XYLB: variants seen among roughly 807,000 people sequenced by gnomAD.
The protein encoded by XYLB is xylulose kinase.
A neutral mutation model predicts 78.7 loss-of-function variants in XYLB; 62 were observed. The ratio of observed to expected loss-of-function variants is 0.79; its 90% confidence interval spans 0.64 to 0.97. XYLB has a LOEUF of 0.97. Among genes scored for constraint, XYLB ranks in the 50% least tolerant of loss-of-function variants. The pLI, the probability that XYLB is intolerant of heterozygous loss-of-function variation, is 0.00. For missense variants in XYLB, 687 were observed against 676.8 expected, an observed-to-expected ratio of 1.02 and a Z score of -0.17; for synonymous variants, 245 against 247.4, an observed-to-expected ratio of 0.99 and a Z score of 0.09.
chr3:38,430,597 G>T, the XYLB span, among the ~76,000 whole-genome samples: 2 of 152,288 alleles, frequency 1.3e-5, no homozygotes, highest in South Asian at 2.1e-4. Flanking sequence ...TGTTGCCATT[G>T]CTTTTGGTGT....
intron 16 of XYLB, 93 bp from the exon 17 acceptor site, chr3:38,396,979 T>A (rs1171322017): frequency 1.6e-6 from 2 of 1,259,026 alleles, no homozygotes; most frequent in Non-Finnish European, 2.3e-6. Flanking sequence ...TCAGAAGACA[T>A]ATGAGGGAGA....
intron 2 of XYLB, among the ~76,000 whole-genome samples, chr3:38,351,570 A>C (rs907445074): frequency 2.0e-5 from 3 of 152,192 alleles, no homozygotes; most frequent in Non-Finnish European, 4.4e-5. Flanking sequence ...TGGAGTATAC[A>C]GTTAAAAGCT....
the XYLB span, among the ~76,000 whole-genome samples, chr3:38,439,788 A>G: frequency 6.6e-6 from 1 of 151,616 alleles, no homozygotes; most frequent in East Asian, 1.9e-4. Context: ...TTTGAAAGGC[A>G]TTGTCTGATT....
intron 3 of XYLB, among the ~76,000 whole-genome samples, chr3:38,362,312 C>T (rs191474522): frequency 6.6e-6 from 1 of 152,312 alleles, no homozygotes; most frequent in Admixed American, 6.5e-5. Context: ...GATCATGGCT[C>T]ACTATAGCCT....
the XYLB span, among the ~76,000 whole-genome samples, chr3:38,440,307 C>T: frequency 2.0e-5 from 3 of 152,150 alleles, no homozygotes; most frequent in African/African-American, 4.8e-5. Context: ...TCGTTCAGTC[C>T]ATATTAACTT....
chr3:38,353,379 C>T (rs1288565569), intron 2 of XYLB, among the ~76,000 whole-genome samples: 1 of 152,080 alleles, frequency 6.6e-6, no homozygotes, highest in Non-Finnish European at 1.5e-5. Flanking sequence ...TGATTCAGCT[C>T]ACTGCTATCT....
At chr3:38,380,884 A>G (rs375658661) in intron 15 of XYLB, among the ~76,000 whole-genome samples, 1 of 152,236 alleles carries the variant, frequency 6.6e-6, no homozygotes, top group Non-Finnish European at 1.5e-5. Context: ...CCACAATGAA[A>G]TGGGTGAATC....
At chr3:38,447,974 G>A in the XYLB span, among the ~76,000 whole-genome samples, 5 of 152,086 alleles carry the variant, frequency 3.3e-5, no homozygotes, top group East Asian at 7.7e-4. Flanking sequence ...CCTAACACTT[G>A]GAGAAACTGA....
downstream of XYLB, among the ~76,000 whole-genome samples, chr3:38,426,033 T>C (rs1032485536): frequency 2.6e-5 from 4 of 152,344 alleles, no homozygotes; most frequent in South Asian, 2.1e-4. Context: ...TTACTGAAAT[T>C]CTTCAAAAGA....
intron 17 of XYLB, among the ~76,000 whole-genome samples, chr3:38,400,433 A>G (rs1361801006): frequency 6.6e-6 from 1 of 152,158 alleles, no homozygotes; most frequent in Non-Finnish European, 1.5e-5. Context: ...GGAGAAGGGA[A>G]CAGGCATGTG....
At chr3:38,374,804 G>T (rs1706763018) in intron 11 of XYLB, among the ~76,000 whole-genome samples, 2 of 152,188 alleles carry the variant, frequency 1.3e-5, no homozygotes, top group Non-Finnish European at 2.9e-5. Flanking sequence ...GGGCCAAAGG[G>T]CTGTGAGCAG....
At chr3:38,408,539 A>C (rs76415171) in intron 18 of XYLB, among the ~76,000 whole-genome samples, 72,844 of 149,446 alleles carry the variant, frequency 0.49, 19,031 homozygotes, top group Non-Finnish European at 0.6. Context: ...AAAATCAGAG[A>C]AGAACTGAAG....
At chr3:38,446,988 T>C in the XYLB span, among the ~76,000 whole-genome samples, 2 of 152,116 alleles carry the variant, frequency 1.3e-5, no homozygotes, top group Non-Finnish European at 2.9e-5. Flanking sequence ...AAACAACCTG[T>C]TGAATGGGAG....
At chr3:38,392,329 G>T (rs1349874360) in intron 15 of XYLB, among the ~76,000 whole-genome samples, 1 of 152,066 alleles carries the variant, frequency 6.6e-6, no homozygotes, top group East Asian at 1.9e-4. Context: ...ATGGAGTTTC[G>T]CTCTTTTTGC....
At chr3:38,348,371 T>C in intron 1 of XYLB, among the ~76,000 whole-genome samples, 179 bp from the exon 2 acceptor site, 1 of 152,194 alleles carries the variant, frequency 6.6e-6, no homozygotes, top group East Asian at 1.9e-4. Context: ...AATCTTTGAG[T>C]GTTACCCCAG....
At chr3:38,441,781 A>G in the XYLB span, among the ~76,000 whole-genome samples, 1 of 152,234 alleles carries the variant, frequency 6.6e-6, no homozygotes, top group Non-Finnish European at 1.5e-5. Context: ...CAGTGAGGCC[A>G]GCTTCTTGCT....
At chr3:38,423,940 A>T (rs1709051182), downstream of XYLB, among the ~76,000 whole-genome samples, 1 of 152,212 alleles carries the variant, frequency 6.6e-6, no homozygotes, top group Non-Finnish European at 1.5e-5. Context: ...ATAGGGATCA[A>T]TTGAAAACAT....
chr3:38,352,571 C>G (rs1465003017), intron 2 of XYLB, among the ~76,000 whole-genome samples: 4 of 152,176 alleles, frequency 2.6e-5, no homozygotes, highest in Admixed American at 6.5e-5. Flanking sequence ...CTTTGGGAGG[C>G]TGAAGCGGGT....
rs1706200104 is a variant in XYLB at position 38,365,395 on chromosome 3, C to T, written c.378+110C>T. 4.4e-6 allele frequency: 6 copies of T among 1,374,868 alleles called. No individual in the cohort carries two copies. In the South Asian group the frequency reaches 6.5e-5, roughly 15 times the overall value. The allele number at this position is 1,374,868 out of a possible 1,614,324, so 85.2% of individuals were successfully genotyped here. On this transcript the variant is annotated intron_variant, in intron 5 of 18. Coordinates refer to ENST00000207870, the MANE Select transcript of XYLB (RefSeq NM_005108.4). ...TTGCAGCTGTGCTCACGCGCCCTCA[C>T]CAGAAGAGCTTTCAACCTCAGGCTT...
Sources: allele counts gnomAD v4.1 joint callset (sites outside exome capture counted in the v4.1 genomes callset), GRCh38; gene constraint gnomAD v4.1.1; transcripts MANE v1.5; gene names NCBI Gene and HGNC (gene_info 2026-07-23, HGNC 2026-07-21).